The following DLG2 variants were observed in gnomAD, a reference collection of about 807,000 sequenced individuals.
DLG2 encodes disks large homolog 2.
DLG2 carries 45 observed loss-of-function variants against 132.5 expected under a neutral mutation model. The ratio of observed to expected loss-of-function variants is 0.34; its 90% CI spans 0.27 to 0.44. DLG2 has a LOEUF of 0.44. Ranked by LOEUF, DLG2 falls within the 20% of genes least tolerant of loss-of-function variation. The pLI, the probability that DLG2 is intolerant of heterozygous loss-of-function variation, is 1.00. For missense variants in DLG2, 1,045 were observed against 1,196.9 expected, an observed-to-expected ratio of 0.87 and a Z score of 1.87; for synonymous variants, 424 against 419.6, an observed-to-expected ratio of 1.01 and a Z score of -0.13.
At chr11:85,133,047 G>A in intron 5 of DLG2, 1 of 345,294 alleles carries the variant, frequency 2.9e-6, no homozygotes, top group Non-Finnish European at 5.7e-6. Flanking sequence ...GGCTTCCTGG[G>A]CTCCGTGGCT....
At chr11:84,059,219 T>A in intron 11 of DLG2, 96 bp downstream of exon 11, 1 of 1,230,960 alleles carries the variant, frequency 8.1e-7, no homozygotes, top group Non-Finnish European at 1.2e-6. Context: ...GCACTGAATG[T>A]CAGAGGTTAA....
intron 15 of DLG2, among the ~76,000 whole-genome samples, chr11:83,889,202 A>G (rs2068901912): frequency 6.6e-6 from 1 of 152,004 alleles, no homozygotes; most frequent in Non-Finnish European, 1.5e-5. Context: ...TTCGCAACCT[A>G]CTCATCTGAC....
chr11:84,015,728 T>C (rs1007711646), intron 11 of DLG2, among the ~76,000 whole-genome samples: 1 of 152,208 alleles, frequency 6.6e-6, no homozygotes, highest in Non-Finnish European at 1.5e-5. Flanking sequence ...TTCCTCTTTA[T>C]GGCTGCATAG....
At chr11:84,868,116 AAT>A (rs1280369247) in intron 6 of DLG2, among the ~76,000 whole-genome samples, 3 of 147,954 alleles carry the variant, frequency 2.0e-5, no homozygotes, top group Non-Finnish European at 4.5e-5. Context: ...ATTATATATT[AAT>A]AATTATATTT....
chr11:84,312,407 C>T (rs534509496), intron 7 of DLG2, among the ~76,000 whole-genome samples: 6 of 152,174 alleles, frequency 3.9e-5, no homozygotes, highest in South Asian at 2.1e-4. Context: ...TGAACGTGGA[C>T]GGCAGAGGTT....
At chr11:84,324,600 T>C (rs974357692) in intron 7 of DLG2, among the ~76,000 whole-genome samples, 4 of 152,154 alleles carry the variant, frequency 2.6e-5, no homozygotes, top group Non-Finnish European at 4.4e-5. Context: ...TTGATAGTGG[T>C]TACATTGAAT....
intron 8 of DLG2, among the ~76,000 whole-genome samples, chr11:84,222,269 T>A (rs12275308): frequency 0.04 from 6,068 of 152,234 alleles, 367 homozygotes; most frequent in African/African-American, 0.14. Flanking sequence ...TGTCCTCAGG[T>A]GATCCACCTG....
chr11:83,643,503 C>A (rs571278305), intron 18 of DLG2: 1 of 152,256 alleles, frequency 6.6e-6, no homozygotes, highest in South Asian at 2.1e-4. Flanking sequence ...GGCATAGTAC[C>A]TAAGACTGCA....
chr11:84,261,653 G>A (rs2097548943), intron 7 of DLG2, among the ~76,000 whole-genome samples: 2 of 152,050 alleles, frequency 1.3e-5, no homozygotes, highest in Non-Finnish European at 2.9e-5. Context: ...TCATGTCTCC[G>A]TGCAGAAATT....
chr11:85,557,295 G>C (rs534812593), intron 3 of DLG2, among the ~76,000 whole-genome samples: 1 of 151,820 alleles, frequency 6.6e-6, no homozygotes, highest in African/African-American at 2.4e-5. Context: ...CACTGCTGAA[G>C]AAAATTACGG....
intron 8 of DLG2, among the ~76,000 whole-genome samples, chr11:84,234,829 A>C (rs975065744): frequency 2.6e-5 from 4 of 152,258 alleles, no homozygotes; most frequent in South Asian, 2.1e-4. Context: ...TATTTATTTG[A>C]CATAATTTGA....
chr11:85,301,176 G>C (rs2079563508), intron 3 of DLG2, among the ~76,000 whole-genome samples: 2 of 151,990 alleles, frequency 1.3e-5, no homozygotes, highest in South Asian at 4.2e-4. Context: ...ACTCCAACCT[G>C]GCTTACAGAA....
At chr11:84,421,706 AC>A (rs1262723034) in intron 7 of DLG2, among the ~76,000 whole-genome samples, 5 of 152,168 alleles carry the variant, frequency 3.3e-5, no homozygotes, top group Admixed American at 6.5e-5. Flanking sequence ...CAAACCTTTT[AC>A]CATCTGGCCC....
intron 6 of DLG2, among the ~76,000 whole-genome samples, chr11:84,605,817 G>GGTTT (rs1298454332): frequency 3.3e-5 from 5 of 151,900 alleles, no homozygotes; most frequent in African/African-American, 1.2e-4. Context: ...TCTTCAAATA[G>GGTTT]GTTTGCTCAC....
At chr11:84,300,903 A>G (rs77714209) in intron 7 of DLG2, among the ~76,000 whole-genome samples, 2,216 of 152,292 alleles carry the variant, frequency 0.015, 62 homozygotes, top group African/African-American at 0.051. Context: ...CAATTTGGCA[A>G]TTAACTCTAA....
chr11:84,080,817 C>G (rs916478004), intron 10 of DLG2, among the ~76,000 whole-genome samples: 1 of 151,818 alleles, frequency 6.6e-6, no homozygotes, highest in East Asian at 1.9e-4. Flanking sequence ...CAAGGTGAAA[C>G]CCCATCTCTA....
intron 6 of DLG2, among the ~76,000 whole-genome samples, chr11:84,622,981 T>C (rs185154187): frequency 5.3e-5 from 8 of 152,180 alleles, no homozygotes; most frequent in Non-Finnish European, 8.8e-5. Flanking sequence ...TCCTCCTTTT[T>C]AGTTTCATAG....
chr11:84,700,728 G>A (rs1175634181), intron 6 of DLG2, among the ~76,000 whole-genome samples: 2 of 151,518 alleles, frequency 1.3e-5, no homozygotes, highest in Non-Finnish European at 3.0e-5. Context: ...TTCAAGCTTG[G>A]TCTGTCTTAT....
chr11:85,390,635 A>G (rs1596805515), intron 3 of DLG2, among the ~76,000 whole-genome samples: 1 of 152,248 alleles, frequency 6.6e-6, no homozygotes, highest in South Asian at 2.1e-4. Flanking sequence ...CACCAAAAGG[A>G]ACCCTCAAAA....
Sources: gnomAD v4.1 joint callset for allele counts (sites outside exome capture counted in the v4.1 genomes callset) on GRCh38, gnomAD v4.1.1 for gene constraint, MANE v1.5 for transcripts, NCBI Gene and HGNC (gene_info 2026-07-23, HGNC 2026-07-21) for gene names.